DNAH9: variants seen among roughly 807,000 people sequenced by gnomAD.
DNAH9 encodes DNAH9 variant protein.
Under a neutral mutation model 471.6 loss-of-function variants are expected in DNAH9, and 345 were observed. The observed-to-expected ratio is 0.73, with a 90% CI of 0.67 to 0.80. The LOEUF (loss-of-function observed/expected upper bound fraction) is 0.80, where lower values mean the gene tolerates loss of function less well. DNAH9 is among the 30% of genes least tolerant of loss of function. The pLI, the probability that DNAH9 is intolerant of heterozygous loss-of-function variation, is 0.00. For synonymous variants in DNAH9, 2,093 were observed against 2,123.6 expected (o/e 0.99, Z 0.40); for missense variants, 5,407 against 5,609.2 (o/e 0.96, Z 1.15).
intron 67 of DNAH9, among the ~76,000 whole-genome samples, chr17:11,958,427 C>T (rs895688388): frequency 6.6e-6 from 1 of 152,134 alleles, no homozygotes; most frequent in African/African-American, 2.4e-5. Context: ...ACTGCAATGA[C>T]ATATACTAAA....
At chr17:11,815,842 G>C (rs1484958357) in intron 45 of DNAH9, among the ~76,000 whole-genome samples, 2 of 152,130 alleles carry the variant, frequency 1.3e-5, no homozygotes, top group Non-Finnish European at 2.9e-5. Flanking sequence ...TTTTTTATTA[G>C]TTCCCAACTG....
rs910113514 is a variant in DNAH9 at position 11,870,540 on chromosome 17, C to A, written c.10054-1058C>A. ...TGATGTAATGAAGACCTGCCATACC[C>A]AAATGTGTGTCTGTGCAGTTGTCAC... On this transcript the variant is annotated intron_variant, in intron 51 of 68. Coordinates refer to ENST00000262442, the MANE Select transcript of DNAH9 (RefSeq NM_001372.4). Among the ~76,000 whole-genome samples the A allele has an allele frequency of 2.0e-5, 3 of 152,158 alleles. No individual in the cohort carries two copies. In the South Asian group the frequency reaches 6.2e-4, roughly 32 times the overall value.
At chr17:11,880,637 G>C (rs1042465845) in intron 54 of DNAH9, among the ~76,000 whole-genome samples, 1 of 152,116 alleles carries the variant, frequency 6.6e-6, no homozygotes, top group Admixed American at 6.5e-5. Flanking sequence ...GGCAAAGCAG[G>C]GGGTGGTGTG....
intron 2 of DNAH9, 106 bp from the exon 3 acceptor site, chr17:11,610,290 A>G (rs543735654): frequency 2.3e-6 from 2 of 884,434 alleles, no homozygotes; most frequent in Admixed American, 3.1e-5. Flanking sequence ...TTTCTCACCT[A>G]TTTTTTTAAA....
intron 60 of DNAH9, among the ~76,000 whole-genome samples, chr17:11,904,511 C>T (rs1267919011): frequency 6.6e-6 from 1 of 151,864 alleles, no homozygotes; most frequent in Non-Finnish European, 1.5e-5. Context: ...CGCCTGTAGT[C>T]CCAGCTACTC....
intron 52 of DNAH9, 39 bp from the exon 53 acceptor site, chr17:11,874,910 T>C: frequency 6.8e-7 from 1 of 1,474,758 alleles, no homozygotes; most frequent in Non-Finnish European, 9.5e-7. Context: ...GAATGTCTGC[T>C]TCTGTTCTGA....
rs866501383 is a variant in DNAH9 at position 11,652,979 on chromosome 17, C to T, written c.2572C>T (p.Leu858Phe). Residue 858 changes from leucine to phenylalanine, a missense_variant, in exon 14 of 69, where the codon CTT (leucine) becomes TTT (phenylalanine). Leu to Phe is a conservative substitution (Grantham distance 22). This residue lies in a region of DNAH9 where 4,636 missense variants were observed against 4,900.3 expected (regional missense o/e 0.95). Coordinates refer to ENST00000262442, the MANE Select transcript of DNAH9 (RefSeq NM_001372.4). ...KYYNLIKESG[L>F]KIHALVQENL... ...TTACAATCTCATCAAGGAATCTGGCCTTAAGATCCACGCCCTTGTTCAGGT... is the reference window on the plus strand; with the variant it reads ...TTACAATCTCATCAAGGAATCTGGCTTTAAGATCCACGCCCTTGTTCAGGT... 1 of 1,613,992 alleles carries T rather than the reference C, an allele frequency of 6.2e-7. No individual in the cohort carries two copies. The highest frequency in any genetic ancestry group is 8.5e-7 in the Non-Finnish European group (1 of 1,179,996).
intron 1 of DNAH9, among the ~76,000 whole-genome samples, chr17:11,602,458 G>T (rs2072406728): frequency 6.6e-6 from 1 of 152,088 alleles, no homozygotes; most frequent in Non-Finnish European, 1.5e-5. Flanking sequence ...CTTCTCCTAA[G>T]CCTGGAGCTG....
chr17:11,881,486 G>T (rs1040848225), intron 55 of DNAH9, 73 bp downstream of exon 55: 5 of 1,475,426 alleles, frequency 3.4e-6, no homozygotes, highest in African/African-American at 1.4e-5. Context: ...AGGTTGCAGA[G>T]GGGGGCTGTT....
Position 11,669,629 on chromosome 17 carries a change from A to C in DNAH9, c.3188A>C (p.Asp1063Ala). 1 of 1,613,828 alleles carries C rather than the reference A, an allele frequency of 6.2e-7. No homozygotes were observed. Among genetic ancestry groups the C allele is most frequent in the Non-Finnish European group, 8.5e-7 (1 of 1,179,966 alleles). ...CTTTCTCAGTTTAAAGTGCAAATCG[A>C]CTCCTATGAAACGCTCTATGAAGAG... Reference protein sequence around the residue: ...PLLSQFKVQIDSYETLYEEVC... With the variant: ...PLLSQFKVQIASYETLYEEVC... Residue 1063 changes from aspartate to alanine, a missense_variant, in exon 17 of 69, where the codon GAC (aspartate) becomes GCC (alanine). Transcript: ENST00000262442.
At chr17:11,952,113 T>C (rs148921023) in intron 67 of DNAH9, among the ~76,000 whole-genome samples, 3 of 149,044 alleles carry the variant, frequency 2.0e-5, no homozygotes, top group Non-Finnish European at 4.4e-5. Flanking sequence ...TAAACTATTA[T>C]GTATGTTTTT....
intron 26 of DNAH9, among the ~76,000 whole-genome samples, chr17:11,706,071 T>C (rs1420607734): frequency 6.6e-6 from 1 of 152,148 alleles, no homozygotes; most frequent in Non-Finnish European, 1.5e-5. Context: ...TATTTTGCTT[T>C]CCAGGCATAT....
At chr17:11,742,814 A>G (rs893944923) in intron 30 of DNAH9, among the ~76,000 whole-genome samples, 5 of 152,222 alleles carry the variant, frequency 3.3e-5, no homozygotes, top group African/African-American at 1.2e-4. Context: ...CTTTTTGTCA[A>G]GGATAGATGA....
intron 50 of DNAH9, among the ~76,000 whole-genome samples, chr17:11,855,996 C>T (rs1393311343): frequency 6.6e-6 from 1 of 152,116 alleles, no homozygotes. Flanking sequence ...GAGACTAGAG[C>T]CCAGCCCATG....
At chr17:11,731,341 G>A (rs1387505709) in intron 28 of DNAH9, among the ~76,000 whole-genome samples, 1 of 151,700 alleles carries the variant, frequency 6.6e-6, no homozygotes, top group East Asian at 1.9e-4. Context: ...AGAAGTAGAA[G>A]CCGGGATACA....
At chr17:11,634,831 C>A (rs917693632) in intron 8 of DNAH9, among the ~76,000 whole-genome samples, 1 of 152,146 alleles carries the variant, frequency 6.6e-6, no homozygotes, top group Non-Finnish European at 1.5e-5. Flanking sequence ...GCCTGGATGC[C>A]TCAGACTTCT....
At chr17:11,607,381 T>A (rs1338734046) in intron 1 of DNAH9, among the ~76,000 whole-genome samples, 1 of 152,044 alleles carries the variant, frequency 6.6e-6, no homozygotes, top group Non-Finnish European at 1.5e-5. Context: ...ACAGACTAAA[T>A]GACAAGGGGC....
intron 59 of DNAH9, among the ~76,000 whole-genome samples, chr17:11,898,129 TTTC>T (rs1289528648): frequency 1.1e-5 from 1 of 90,152 alleles, no homozygotes; most frequent in Non-Finnish European, 3.1e-5. Flanking sequence ...TTCTTTTCCT[TTTC>T]TTTTTTTTTT....
intron 26 of DNAH9, among the ~76,000 whole-genome samples, chr17:11,718,728 G>T (rs376821111): frequency 6.6e-6 from 1 of 152,130 alleles, no homozygotes; most frequent in African/African-American, 2.4e-5. Flanking sequence ...ATAAGATATA[G>T]CCCTACCTTC....
Sources: gnomAD v4.1 joint callset for allele counts (sites outside exome capture counted in the v4.1 genomes callset) on GRCh38, gnomAD v4.1.1 for gene constraint, gnomAD v4.1.1 regional missense constraint, MANE v1.5 for transcripts, NCBI Gene and HGNC (gene_info 2026-07-23, HGNC 2026-07-21) for gene names.